Variants in FKBP5 observed in about 807,000 individuals in gnomAD.
The protein encoded by FKBP5 is peptidyl-prolyl cis-trans isomerase FKBP5.
FKBP5 carries 23 observed loss-of-function variants against 50.5 expected under a neutral mutation model. That is an observed-to-expected ratio of 0.46 (90% CI 0.33 to 0.65). The LOEUF is 0.65. FKBP5 is among the 30% of genes least tolerant of loss of function. The pLI, the probability that FKBP5 is intolerant of heterozygous loss-of-function variation, is 0.02. For synonymous variants in FKBP5, 176 were observed against 190.6 expected (o/e 0.92, Z 0.63); for missense variants, 411 against 553.1 (o/e 0.74, Z 2.58).
intron 2 of FKBP5, among the ~76,000 whole-genome samples, chr6:35,706,185 A>C (rs1280904203): frequency 9.2e-5 from 14 of 152,202 alleles, no homozygotes; most frequent in Admixed American, 9.2e-4. Context: ...GCACTTTGGG[A>C]GGCCGAGACG....
At chr6:35,689,502 A>G (rs1430118188), upstream of FKBP5, among the ~76,000 whole-genome samples, 1 of 152,056 alleles carries the variant, frequency 6.6e-6, no homozygotes, top group African/African-American at 2.4e-5. Flanking sequence ...TTGGCTTGCT[A>G]CCTTTCAAGC....
chr6:35,635,792 A>G (rs930120800), intron 3 of FKBP5, among the ~76,000 whole-genome samples: 2 of 152,232 alleles, frequency 1.3e-5, no homozygotes, highest in African/African-American at 4.8e-5. Flanking sequence ...AGACAACCAG[A>G]TTCTCCTATT....
At chr6:35,692,119 C>T (rs1010038925), upstream of FKBP5, among the ~76,000 whole-genome samples, 1 of 152,172 alleles carries the variant, frequency 6.6e-6, no homozygotes, top group Admixed American at 6.5e-5. Context: ...CATTCACATG[C>T]ATTTTATCAT....
chr6:35,672,224 C>T (rs1292449338), intron 1 of FKBP5, among the ~76,000 whole-genome samples: 1 of 151,960 alleles, frequency 6.6e-6, no homozygotes, highest in African/African-American at 2.4e-5. Flanking sequence ...AAAGGGTAAT[C>T]ATCCAAATAC....
Position 35,652,071 on chromosome 6 carries a change from T to C in FKBP5, c.-19-9228A>G, listed in dbSNP as rs180714414. The C allele has an allele frequency of 7.0e-4, 124 of 176,810 alleles. 3 individuals are homozygous for C. The East Asian group carries it at 0.02, about 29-fold the overall frequency. The allele number at this position is 176,810 out of a possible 1,614,324, so 11.0% of individuals were successfully genotyped here. ...ATTTTTGTAATTTCTTATGCCTGTC[T>C]TTACTGCACTCTCTAAACATAAATT... On this transcript the variant is annotated intron_variant, in intron 1 of 10. Coordinates refer to ENST00000357266, the MANE Select transcript of FKBP5 (RefSeq NM_004117.4).
intron 2 of FKBP5, 33 bp from the exon 3 acceptor site, chr6:35,637,191 C>A: frequency 1.3e-6 from 2 of 1,593,384 alleles, no homozygotes; most frequent in South Asian, 2.3e-5. Flanking sequence ...AAAAGGAGGT[C>A]AAACTTTTTA....
chr6:35,669,183 C>G (rs1436363445), intron 1 of FKBP5, among the ~76,000 whole-genome samples: 1 of 152,144 alleles, frequency 6.6e-6, no homozygotes, highest in Non-Finnish European at 1.5e-5. Flanking sequence ...CTGAAATAGG[C>G]TATCCTGTAA....
At chr6:35,635,200 T>C (rs1225111815) in intron 3 of FKBP5, among the ~76,000 whole-genome samples, 1 of 151,822 alleles carries the variant, frequency 6.6e-6, no homozygotes, top group Non-Finnish European at 1.5e-5. Flanking sequence ...CCAGGCGTGG[T>C]GGTGTACGCC....
At chr6:35,681,343 T>A (rs777483428) in intron 1 of FKBP5, among the ~76,000 whole-genome samples, 4 of 152,160 alleles carry the variant, frequency 2.6e-5, no homozygotes, top group Admixed American at 6.5e-5. Flanking sequence ...ACCCAAAAAG[T>A]ATATAACTGA....
chr6:35,618,842 G>A (rs568925298), intron 5 of FKBP5, among the ~76,000 whole-genome samples: 99 of 151,966 alleles, frequency 6.5e-4, no homozygotes, highest in Admixed American at 1.8e-3. Flanking sequence ...ATACAGGCGT[G>A]CACCACCACA....
intron 5 of FKBP5, among the ~76,000 whole-genome samples, chr6:35,617,823 C>T (rs1221029160): frequency 6.6e-6 from 1 of 152,180 alleles, no homozygotes; most frequent in Non-Finnish European, 1.5e-5. Flanking sequence ...CACAGTGGTA[C>T]ATATAATTTG....
At chr6:35,691,376 G>A (rs1487225923), upstream of FKBP5, among the ~76,000 whole-genome samples, 4 of 152,164 alleles carry the variant, frequency 2.6e-5, no homozygotes, top group Admixed American at 1.3e-4. Flanking sequence ...TGAGCAAAAA[G>A]CATGCAGACC....
At chr6:35,649,249 T>TAAAA (rs71002582) in intron 1 of FKBP5, among the ~76,000 whole-genome samples, 2 of 102,222 alleles carry the variant, frequency 2.0e-5, no homozygotes, top group Admixed American at 1.1e-4. Flanking sequence ...AGACTCTGTC[T>TAAAA]AAAAAAAAAA....
At chr6:35,726,898 C>T (rs920437355) in intron 1 of FKBP5, among the ~76,000 whole-genome samples, 14 of 152,152 alleles carry the variant, frequency 9.2e-5, no homozygotes, top group African/African-American at 3.1e-4. Flanking sequence ...TTTGTTTCTG[C>T]CTCAAGGACT....
At chr6:35,606,584 T>C (rs894607253) in intron 5 of FKBP5, among the ~76,000 whole-genome samples, 8 of 133,314 alleles carry the variant, frequency 6.0e-5, no homozygotes, top group African/African-American at 2.3e-4. Flanking sequence ...GGCGTGAACC[T>C]GGGAGGCGGG....
intron 2 of FKBP5, among the ~76,000 whole-genome samples, chr6:35,640,089 TTAAC>T (rs1764435764): frequency 1.3e-5 from 2 of 152,310 alleles, no homozygotes; most frequent in Admixed American, 6.5e-5. Flanking sequence ...GTGAAAATGA[TTAAC>T]TATAGAGTGA....
intron 5 of FKBP5, among the ~76,000 whole-genome samples, chr6:35,612,821 G>A (rs1254694013): frequency 6.6e-6 from 1 of 152,232 alleles, no homozygotes; most frequent in Non-Finnish European, 1.5e-5. Context: ...TTACCTCCCA[G>A]TGGGTCCTTC....
chr6:35,697,643 C>A (rs1383523140), intron 2 of FKBP5, among the ~76,000 whole-genome samples: 2 of 151,474 alleles, frequency 1.3e-5, no homozygotes, highest in Admixed American at 6.6e-5. Flanking sequence ...CATAAAATAT[C>A]TCATATTATA....
intron 3 of FKBP5, among the ~76,000 whole-genome samples, chr6:35,625,056 A>G (rs1763955018): frequency 6.6e-6 from 1 of 152,196 alleles, no homozygotes; most frequent in Non-Finnish European, 1.5e-5. Context: ...TTAAATTCCT[A>G]GATGTAGAAT....
Sources: gnomAD v4.1 joint callset for allele counts (sites outside exome capture counted in the v4.1 genomes callset) on GRCh38, gnomAD v4.1.1 for gene constraint, MANE v1.5 for transcripts, NCBI Gene and HGNC (gene_info 2026-07-23, HGNC 2026-07-21) for gene names.